Variants in LRCH1 observed in about 807,000 individuals in gnomAD.
LRCH1 encodes the protein leucine rich repeats and calponin homology domain containing 1.
In LRCH1, 23 loss-of-function variants were observed where a neutral mutation model predicts 94.9. The observed-to-expected ratio is 0.24, with a 90% CI of 0.17 to 0.34. The LOEUF is 0.34. LRCH1 is among the 10% of genes least tolerant of loss of function. LRCH1 has a pLI of 1.00. For missense variants in LRCH1, 790 were observed against 945.9 expected (o/e 0.84, Z 2.16); for synonymous variants, 364 against 354.9 (o/e 1.03, Z -0.29).
chr13:46,695,744 C>T (rs1871149140), intron 9 of LRCH1, among the ~76,000 whole-genome samples: 1 of 152,046 alleles, frequency 6.6e-6, no homozygotes, highest in African/African-American at 2.4e-5. Flanking sequence ...ATGTTGAAGC[C>T]AAGAATGGGA....
intron 1 of LRCH1, among the ~76,000 whole-genome samples, chr13:46,602,289 C>T (rs1390239253): frequency 1.3e-5 from 2 of 152,110 alleles, no homozygotes; most frequent in Admixed American, 6.5e-5. Context: ...TAACTGAAGA[C>T]CAGAGAAATT....
chr13:46,740,195 T>C (rs2138248736), intron 19 of LRCH1, among the ~76,000 whole-genome samples: 1 of 152,338 alleles, frequency 6.6e-6, no homozygotes, highest in East Asian at 1.9e-4. Flanking sequence ...GCAGCATCAG[T>C]CTCCCAGTGA....
Position 46,743,832 on chromosome 13 carries a change from T to A in LRCH1, c.*1984T>A, listed in dbSNP as rs1452763190. Reference sequence around the variant, plus strand: ...TAAGAGTAGATTTAATTTTCAGTGTTGATATAGTTCAATTAAAACATGTTA... The same window carrying A: ...TAAGAGTAGATTTAATTTTCAGTGTAGATATAGTTCAATTAAAACATGTTA... On this transcript the variant is annotated 3_prime_UTR_variant, in exon 20 of 20. Coordinates refer to ENST00000389797, the MANE Select transcript of LRCH1 (RefSeq NM_001164211.2). 5 of 983,792 alleles carry A rather than the reference T, an allele frequency of 5.1e-6. No homozygotes were observed. In the African/African-American group the frequency reaches 8.7e-5, roughly 17 times the overall value. The allele number at this position is 983,792 out of a possible 1,614,324, so 60.9% of individuals were successfully genotyped here.
At chr13:46,630,731 C>T (rs1421831732) in intron 1 of LRCH1, among the ~76,000 whole-genome samples, 1 of 152,176 alleles carries the variant, frequency 6.6e-6, no homozygotes, top group East Asian at 1.9e-4. Context: ...TTTGGCTTTC[C>T]TTCCTTTGTA....
intron 1 of LRCH1, among the ~76,000 whole-genome samples, chr13:46,641,775 G>A (rs780110667): frequency 1.3e-5 from 2 of 152,146 alleles, no homozygotes; most frequent in South Asian, 2.1e-4. Flanking sequence ...AAACAACACC[G>A]TGCTTCCAAT....
At chr13:46,689,323 T>A (rs967913951) in intron 7 of LRCH1, 127 bp downstream of exon 7, 3 of 657,058 alleles carry the variant, frequency 4.6e-6, no homozygotes, top group Admixed American at 5.4e-5. Context: ...TAAAAGTGAT[T>A]TGTATATTCA....
intron 1 of LRCH1, among the ~76,000 whole-genome samples, chr13:46,644,190 G>A (rs1202515188): frequency 6.6e-6 from 1 of 152,172 alleles, no homozygotes; most frequent in African/African-American, 2.4e-5. Context: ...TACATGCAGT[G>A]GTTTAAATGA....
chr13:46,721,572 G>A (rs1872583467), intron 16 of LRCH1, among the ~76,000 whole-genome samples: 2 of 152,030 alleles, frequency 1.3e-5, no homozygotes, highest in Admixed American at 1.3e-4. Context: ...TTCCCTGCCT[G>A]GTCACTCTGT....
At chr13:46,711,523 A>G (rs146948314) in intron 13 of LRCH1, among the ~76,000 whole-genome samples, 185 of 152,360 alleles carry the variant, frequency 1.2e-3, no homozygotes, top group African/African-American at 4.2e-3. Context: ...ATCCACAGAT[A>G]TTTTGGAGTG....
At chr13:46,693,485 G>T (rs996724580) in intron 8 of LRCH1, among the ~76,000 whole-genome samples, 1 of 152,166 alleles carries the variant, frequency 6.6e-6, no homozygotes, top group African/African-American at 2.4e-5. Context: ...TCATCCCATG[G>T]CCACATCGCA....
chr13:46,695,063 G>A, intron 9 of LRCH1, 46 bp downstream of exon 9: 1 of 1,602,444 alleles, frequency 6.2e-7, no homozygotes. Flanking sequence ...ATTTCCTTCT[G>A]TTTGGCACCG....
At chr13:46,583,197 C>G (rs943972293) in intron 1 of LRCH1, among the ~76,000 whole-genome samples, 1 of 152,188 alleles carries the variant, frequency 6.6e-6, no homozygotes, top group Non-Finnish European at 1.5e-5. Context: ...TCGATTCTAG[C>G]TTTCCTTTTT....
At chr13:46,662,738 A>G (rs1314568706) in intron 2 of LRCH1, among the ~76,000 whole-genome samples, 3 of 152,190 alleles carry the variant, frequency 2.0e-5, no homozygotes, top group Non-Finnish European at 2.9e-5. Context: ...GCAGTGGTTT[A>G]TTTATACTCA....
intron 7 of LRCH1, among the ~76,000 whole-genome samples, chr13:46,690,163 G>A (rs541630664): frequency 1.2e-4 from 19 of 152,126 alleles, no homozygotes; most frequent in African/African-American, 4.6e-4. Flanking sequence ...ACTCTATATA[G>A]CAGTATATTA....
intron 13 of LRCH1, among the ~76,000 whole-genome samples, chr13:46,706,204 A>G (rs1351190308): frequency 6.6e-6 from 1 of 152,256 alleles, no homozygotes; most frequent in African/African-American, 2.4e-5. Context: ...ATTAGGTATC[A>G]GTCCCATCTC....
rs1336476936 is a variant in LRCH1, at chr13:46,611,740, TGA to T, written c.308-38458_308-38457del. ...TAATTTTAAAATGTTGATTATTTGT[TGA>T]GATGATAATATTTTTGGTACATTAG... On this transcript the variant is annotated intron_variant, in intron 1 of 19. Coordinates refer to ENST00000389797, the MANE Select transcript of LRCH1 (RefSeq NM_001164211.2). 4.6e-5 allele frequency among the ~76,000 whole-genome samples: 7 copies of T among 152,226 alleles called. No homozygotes were observed. The East Asian group carries it at 1.2e-3, about 25-fold the overall frequency.
chr13:46,660,945 C>T (rs1043747470), intron 2 of LRCH1, among the ~76,000 whole-genome samples: 3 of 152,312 alleles, frequency 2.0e-5, no homozygotes, highest in African/African-American at 7.2e-5. Flanking sequence ...AGTATATCTT[C>T]GATCCTTGTT....
At position 46,723,446 on chromosome 13, in the gene LRCH1, A is replaced by G. The variant is rs1374923177; in HGVS notation, c.1869+116A>G. ...AATTTCAAATCTAGCCAGGTCACTTAGTGACTGCTGGATGTTGGGCAAGCC... is the reference window on the plus strand; with the variant it reads ...AATTTCAAATCTAGCCAGGTCACTTGGTGACTGCTGGATGTTGGGCAAGCC... On this transcript the variant is annotated intron_variant, in intron 17 of 19. Coordinates refer to ENST00000389797, the MANE Select transcript of LRCH1 (RefSeq NM_001164211.2). The G allele has an allele frequency of 5.2e-6, 4 of 763,926 alleles. No homozygotes were observed. The East Asian group carries it at 1.1e-4, about 20-fold the overall frequency. 47.3% of individuals were successfully genotyped at this position (763,926 alleles called of 1,614,324 possible).
chr13:46,735,020 TTGG>T, intron 19 of LRCH1, among the ~76,000 whole-genome samples: 2 of 152,188 alleles, frequency 1.3e-5, no homozygotes, highest in Middle Eastern at 3.4e-3. Flanking sequence ...TTTTTTCAGC[TTGG>T]TGGGATTCAG....
Sources: allele counts gnomAD v4.1 joint callset (sites outside exome capture counted in the v4.1 genomes callset), GRCh38; gene constraint gnomAD v4.1.1; transcripts MANE v1.5; gene names NCBI Gene and HGNC (gene_info 2026-07-23, HGNC 2026-07-21).